Variants in NFYA observed in about 807,000 individuals in gnomAD.
The protein encoded by NFYA is CAAT-box DNA binding protein subunit A.
In NFYA, 28 loss-of-function variants were observed where a neutral mutation model predicts 52.8. That is an observed-to-expected ratio of 0.53 (90% CI 0.39 to 0.73). The LOEUF (loss-of-function observed/expected upper bound fraction) is 0.73. Among genes scored for constraint, NFYA ranks in the 30% least tolerant of loss-of-function variants. The pLI is 0.00. For synonymous variants in NFYA, 150 were observed against 150.7 expected, an observed-to-expected ratio of 1.00 and a Z score of 0.03; for missense variants, 234 against 427.0, an observed-to-expected ratio of 0.55 and a Z score of 3.98.
In NFYA at chr6:41,092,814, G is replaced by C. The variant is rs939717021; in HGVS notation, c.715-98G>C. 3 of 1,279,404 alleles carry C rather than the reference G, an allele frequency of 2.3e-6. No individual in the cohort carries two copies. In the Admixed American group the frequency reaches 7.0e-5, roughly 30 times the overall value. The allele number at this position is 1,279,404 out of a possible 1,614,324, so 79.3% of individuals were successfully genotyped here. ...AAGTACCCTATAAAAATTACTTTTT[G>C]TGGCATTTACAAAAAAAATGGATGA... On this transcript the variant is annotated intron_variant, in intron 7 of 9. Coordinates refer to ENST00000341376, the MANE Select transcript of NFYA (RefSeq NM_002505.5).
At chr6:41,097,094 GA>G (rs1331832921) in intron 9 of NFYA, among the ~76,000 whole-genome samples, 1 of 152,154 alleles carries the variant, frequency 6.6e-6, no homozygotes, top group Non-Finnish European at 1.5e-5. Context: ...AGGTTCTTAG[GA>G]AAGAGATACA....
Position 41,097,399 on chromosome 6 carries a change from C to T in NFYA, c.1033C>T (p.Arg345Ter), listed in dbSNP as rs370053346. 23 of 1,613,944 alleles carry T rather than the reference C, an allele frequency of 1.4e-5. No homozygotes were observed. The highest frequency in any genetic ancestry group is 2.2e-5 in the East Asian group (1 of 44,870). Residue 345 changes from arginine to a stop codon, truncating the protein, a stop_gained, in exon 10 of 10, where the codon CGA becomes TGA. Transcript: ENST00000341376. LOFTEE classifies it high-confidence loss of function. Reference protein sequence around the residue: ...ADEEAMTQIIRVS With the variant: ...ADEEAMTQII The stretch of plus-strand genomic sequence containing the variant: ...TGAAGAAGCAATGACACAGATCATC[C>T]GAGTGTCCTAACCCCACGCCATGTG...
intron 4 of NFYA, among the ~76,000 whole-genome samples, chr6:41,088,457 G>C (rs1212920806): frequency 6.7e-6 from 1 of 149,902 alleles, no homozygotes; most frequent in Non-Finnish European, 1.5e-5. Context: ...TTATTTTATA[G>C]TTTCTGTGAG....
At chr6:41,085,069 A>G (rs1764007939) in intron 4 of NFYA, among the ~76,000 whole-genome samples, 1 of 152,188 alleles carries the variant, frequency 6.6e-6, no homozygotes, top group Non-Finnish European at 1.5e-5. Context: ...AAAAAACAAA[A>G]AGTCATTATA....
chr6:41,075,826 A>G (rs1763717738), intron 1 of NFYA: 1 of 151,976 alleles, frequency 6.6e-6, no homozygotes, highest in Non-Finnish European at 1.5e-5. Flanking sequence ...GGATTCCAGT[A>G]TAGGTTTTTA....
intron 2 of NFYA, among the ~76,000 whole-genome samples, chr6:41,080,008 A>G (rs1763863398): frequency 6.6e-6 from 1 of 152,114 alleles, no homozygotes; most frequent in Non-Finnish European, 1.5e-5. Flanking sequence ...TTTTTAGAGG[A>G]AGGGATTCCA....
chr6:41,090,266 C>T lies in NFYA; in HGVS notation c.504C>T (p.Ile168=), dbSNP rs1381338524. The change falls in exon 6 of 10, where the codon ATC becomes ATT. Residue 168 remains isoleucine, a synonymous_variant. Coordinates refer to ENST00000341376, the MANE Select transcript of NFYA (RefSeq NM_002505.5). ...QVAQTAEGQT[I]VYQPVNADGT... ...CACAGACTGCTGAAGGGCAGACCAT[C>T]GTCTATCAACCAGTTAATGCAGATG... The T allele has an allele frequency of 5.6e-6, 9 of 1,613,942 alleles. No homozygotes were observed. The East Asian group carries it at 1.6e-4, about 28-fold the overall frequency.
At chr6:41,074,931 G>A (rs1162704365) in intron 1 of NFYA, among the ~76,000 whole-genome samples, 1 of 151,532 alleles carries the variant, frequency 6.6e-6, no homozygotes, top group African/African-American at 2.4e-5. Context: ...GCACATAAAG[G>A]TCTTAAGTAT....
rs41273756 is a variant in NFYA at position 41,097,673 on chromosome 6, A to G, written c.*263A>G. The G allele has an allele frequency of 7.0e-3, 2,812 of 399,990 alleles. 88 individuals carry two copies. The highest frequency in any genetic ancestry group is 0.062 in the South Asian group (2,036 of 32,772). 24.8% of individuals were successfully genotyped at this position (399,990 alleles called of 1,614,324 possible). ...ACATTTCATGGATTCGGATGATGCA[A>G]GGAGACACATGCCACCCCAGCAGTA... On this transcript the variant is annotated 3_prime_UTR_variant, in exon 10 of 10. Coordinates refer to ENST00000341376, the MANE Select transcript of NFYA (RefSeq NM_002505.5).
rs1460694601 is a variant in NFYA, at chr6:41,102,220, T to C, written c.*4810T>C. 1.3e-5 allele frequency: 2 copies of C among 152,190 alleles called. No individual in the cohort carries two copies. The highest frequency in any genetic ancestry group is 2.9e-5 in the Non-Finnish European group (2 of 68,044). The allele number at this position is 152,190 out of a possible 1,614,324, so 9.4% of individuals were successfully genotyped here. A position where few individuals can be genotyped will look rare whatever the true frequency, so the allele number is the denominator to read the frequency against. Reference sequence around the variant, plus strand: ...AAACAGGTACCAAAGGGTCATTCCTTTAGCATCATTCATCTTTGGTTTCTT... The same window carrying C: ...AAACAGGTACCAAAGGGTCATTCCTCTAGCATCATTCATCTTTGGTTTCTT... On this transcript the variant is annotated 3_prime_UTR_variant, in exon 10 of 10. Coordinates refer to ENST00000341376, the MANE Select transcript of NFYA (RefSeq NM_002505.5).
intron 4 of NFYA, among the ~76,000 whole-genome samples, chr6:41,088,589 TG>T (rs1764112545): frequency 6.6e-6 from 1 of 152,022 alleles, no homozygotes; most frequent in East Asian, 1.9e-4. Flanking sequence ...GTTTTTTCTT[TG>T]TTTGTTTTTT....
chr6:41,073,766 A>C (rs1232691154), intron 1 of NFYA, among the ~76,000 whole-genome samples: 1 of 149,524 alleles, frequency 6.7e-6, no homozygotes, highest in Non-Finnish European at 1.5e-5. Context: ...TAGTTCGCCC[A>C]CTCCCCCTGC....
intron 5 of NFYA, 83 bp downstream of exon 5, chr6:41,089,793 T>C: frequency 6.6e-7 from 1 of 1,523,420 alleles, no homozygotes; most frequent in Non-Finnish European, 8.8e-7. Context: ...ATGTATAGCA[T>C]GTATAGTAGA....
chr6:41,090,448 T>G, intron 6 of NFYA, 139 bp downstream of exon 6: 2 of 565,262 alleles, frequency 3.5e-6, no homozygotes, highest in Non-Finnish European at 6.5e-6. Context: ...TTCCTCTAGC[T>G]CTCCATTGAT....
intron 6 of NFYA, among the ~76,000 whole-genome samples, chr6:41,091,256 G>A (rs1416742034): frequency 6.6e-6 from 1 of 152,180 alleles, no homozygotes; most frequent in Non-Finnish European, 1.5e-5. Flanking sequence ...TAGAAGAGGA[G>A]GCCTCCAAAC....
At chr6:41,093,987 T>TC (rs1307372375) in intron 8 of NFYA, among the ~76,000 whole-genome samples, 1 of 152,160 alleles carries the variant, frequency 6.6e-6, no homozygotes, top group Non-Finnish European at 1.5e-5. Flanking sequence ...GCCACTGCAG[T>TC]CCAACAGCAA....
chr6:41,101,849 C>T lies in NFYA; in HGVS notation c.*4439C>T, dbSNP rs979895775. ...ATTCCCAGTGGCAGCAGCAACCAACCTGGCCCTTAGTAGTTTCTAAGTTAC... is the reference window on the plus strand; with the variant it reads ...ATTCCCAGTGGCAGCAGCAACCAACTTGGCCCTTAGTAGTTTCTAAGTTAC... On this transcript the variant is annotated 3_prime_UTR_variant, in exon 10 of 10. Transcript: ENST00000341376. Among the ~76,000 whole-genome samples, 3 of 152,204 alleles carry T rather than the reference C, an allele frequency of 2.0e-5. No homozygotes were observed. Among genetic ancestry groups the T allele is most frequent in the Admixed American group, 2.0e-4 (3 of 15,284 alleles).
intron 4 of NFYA, among the ~76,000 whole-genome samples, chr6:41,085,076 T>C (rs1764008174): frequency 1.3e-5 from 2 of 152,188 alleles, no homozygotes; most frequent in South Asian, 4.1e-4. Flanking sequence ...AAAAAGTCAT[T>C]ATATCCACTG....
Position 41,092,933 on chromosome 6 carries a change from G to A in NFYA, c.736G>A (p.Val246Met), listed in dbSNP as rs755892714. The A allele has an allele frequency of 1.1e-5, 17 of 1,613,554 alleles. No individual in the cohort carries two copies. In the South Asian group the frequency reaches 1.8e-4, roughly 17 times the overall value. Residue 246 changes from valine to methionine, a missense_variant, in exon 8 of 10, where the codon GTG becomes ATG. Val to Met is a conservative substitution (Grantham distance 21). Transcript: ENST00000341376. ...MVMMVPGAGS[V>M]PAIQRIPLPG... Reference sequence around the variant, plus strand: ...ACAGATGGTTCCTGGGGCTGGCTCTGTGCCTGCTATCCAAAGAATCCCTCT... The same window carrying A: ...ACAGATGGTTCCTGGGGCTGGCTCTATGCCTGCTATCCAAAGAATCCCTCT...
Sources: gnomAD v4.1 joint callset for allele counts (sites outside exome capture counted in the v4.1 genomes callset) on GRCh38, gnomAD v4.1.1 for gene constraint, MANE v1.5 for transcripts, NCBI Gene and HGNC (gene_info 2026-07-23, HGNC 2026-07-21) for gene names.